Variants in NOS1AP observed in about 807,000 individuals in gnomAD.
The protein encoded by NOS1AP is carboxyl-terminal PDZ ligand of neuronal nitric oxide synthase protein.
Under a neutral mutation model 56.2 loss-of-function variants are expected in NOS1AP, and 21 were observed. The observed-to-expected ratio is 0.37, with a 90% CI of 0.26 to 0.54. NOS1AP has a LOEUF of 0.54. Among genes scored for constraint, NOS1AP ranks in the 20% least tolerant of loss-of-function variants. The pLI, the probability that NOS1AP is intolerant of heterozygous loss-of-function variation, is 0.84. For missense variants in NOS1AP, 522 were observed against 657.8 expected (o/e 0.79, Z 2.26); for synonymous variants, 270 against 274.6 (o/e 0.98, Z 0.17).
At chr1:162,197,909 G>A (rs1486748023) in intron 2 of NOS1AP, among the ~76,000 whole-genome samples, 13 of 152,250 alleles carry the variant, frequency 8.5e-5, no homozygotes, top group African/African-American at 3.1e-4. Context: ...TGCTGTTCAG[G>A]GCTCTGTGGG....
intron 2 of NOS1AP, among the ~76,000 whole-genome samples, chr1:162,214,277 A>G (rs1010202689): frequency 4.2e-4 from 64 of 151,534 alleles, no homozygotes; most frequent in Non-Finnish European, 6.5e-4. Context: ...TCGTTCATTC[A>G]TTCATTCATT....
At chr1:162,301,271 T>C (rs1249023942) in intron 4 of NOS1AP, among the ~76,000 whole-genome samples, 1 of 151,972 alleles carries the variant, frequency 6.6e-6, no homozygotes, top group Non-Finnish European at 1.5e-5. Flanking sequence ...GTCATGAGGG[T>C]GGGGCCCTCA....
chr1:162,140,306 A>G lies in NOS1AP; in HGVS notation c.106-14099A>G, dbSNP rs145615883. On this transcript the variant is annotated intron_variant, in intron 1 of 9. Coordinates refer to ENST00000361897, the MANE Select transcript of NOS1AP (RefSeq NM_014697.3). ...CTAGGACAGAGTGTGGTCAATCTCT[A>G]TATATATTATTAGAATCAAGGGCAC... Among the ~76,000 whole-genome samples, 294 of 152,218 alleles carry G rather than the reference A, an allele frequency of 1.9e-3. 1 individual carries two copies. The highest frequency in any genetic ancestry group is 3.4e-3 in the Non-Finnish European group (232 of 68,014).
chr1:162,210,625 G>A (rs1652321028), intron 2 of NOS1AP, among the ~76,000 whole-genome samples: 1 of 152,088 alleles, frequency 6.6e-6, no homozygotes. Context: ...AATTGACTGG[G>A]CATATTGGTG....
chr1:162,108,352 G>A (rs1296788395), intron 1 of NOS1AP, among the ~76,000 whole-genome samples: 1 of 152,052 alleles, frequency 6.6e-6, no homozygotes, highest in African/African-American at 2.4e-5. Context: ...ATACAGCACT[G>A]GATTGAAACA....
chr1:162,086,980 T>C (rs1281707628), intron 1 of NOS1AP, among the ~76,000 whole-genome samples: 2 of 152,226 alleles, frequency 1.3e-5, no homozygotes, highest in East Asian at 1.9e-4. Context: ...ACTGTACCTG[T>C]GTGCTTCCTT....
chr1:162,148,494 A>G (rs889654248), intron 1 of NOS1AP, among the ~76,000 whole-genome samples: 2 of 152,218 alleles, frequency 1.3e-5, no homozygotes, highest in Non-Finnish European at 2.9e-5. Flanking sequence ...AGATTAGGGG[A>G]CGAGTGGGTA....
At chr1:162,330,408 G>T (rs999894526) in intron 4 of NOS1AP, among the ~76,000 whole-genome samples, 1 of 152,184 alleles carries the variant, frequency 6.6e-6, no homozygotes, top group Non-Finnish European at 1.5e-5. Flanking sequence ...CTGTGGCAAC[G>T]TTGAGCCCCA....
chr1:162,298,296 T>C (rs1655536298), intron 3 of NOS1AP, among the ~76,000 whole-genome samples: 1 of 152,210 alleles, frequency 6.6e-6, no homozygotes, highest in Non-Finnish European at 1.5e-5. Flanking sequence ...TGCTCCCGTT[T>C]CCCATGTGGT....
intron 5 of NOS1AP, among the ~76,000 whole-genome samples, chr1:162,333,578 T>A (rs1656844188): frequency 6.6e-6 from 1 of 152,194 alleles, no homozygotes; most frequent in Non-Finnish European, 1.5e-5. Flanking sequence ...CTCAAGTAAA[T>A]GCAACTTTGA....
chr1:162,078,577 A>G (rs939813239), intron 1 of NOS1AP, among the ~76,000 whole-genome samples: 1 of 151,506 alleles, frequency 6.6e-6, no homozygotes, highest in Admixed American at 6.6e-5. Flanking sequence ...GCCATCAATA[A>G]CCTTCTGAAG....
chr1:162,179,916 G>A (rs1651192013), intron 2 of NOS1AP, among the ~76,000 whole-genome samples: 1 of 152,180 alleles, frequency 6.6e-6, no homozygotes, highest in Non-Finnish European at 1.5e-5. Flanking sequence ...GTGATGCAGA[G>A]GATGGATTGG....
At chr1:162,281,735 T>G (rs1052784893) in intron 2 of NOS1AP, among the ~76,000 whole-genome samples, 5 of 152,254 alleles carry the variant, frequency 3.3e-5, no homozygotes, top group African/African-American at 1.2e-4. Context: ...GAGCAGAATT[T>G]AAGTGGACTT....
At position 162,355,182 on chromosome 1, in the gene NOS1AP, T is replaced by G. The variant is rs182480938; in HGVS notation, c.596-5T>G. 3.2e-5 allele frequency: 51 copies of G among 1,614,124 alleles called. No individual in the cohort carries two copies. In the East Asian group the frequency reaches 8.7e-4, roughly 28 times the overall value. ...TCTTCCCTCCCTCCCCTGTTGTTCC[T>G]GCAGGCCGCCAGCTCACTGGAGCCG... On this transcript the variant is annotated splice_region_variant and splice_polypyrimidine_tract_variant and intron_variant, in intron 6 of 9. Transcript: ENST00000361897.
Position 162,187,368 on chromosome 1 carries a change from GTA to G in NOS1AP, c.177+32895_177+32896del, listed in dbSNP as rs1467706077. ...TTACAACATTGTTTTTAATGGCTGA[GTA>G]TAGTTACATTCTATTAATACATATA... On this transcript the variant is annotated intron_variant, in intron 2 of 9. Coordinates refer to ENST00000361897, the MANE Select transcript of NOS1AP (RefSeq NM_014697.3). Among the ~76,000 whole-genome samples the G allele has an allele frequency of 3.3e-5, 5 of 152,218 alleles. No homozygotes were observed. The East Asian group carries it at 9.6e-4, about 29-fold the overall frequency.
chr1:162,303,762 A>C (rs989862727), intron 4 of NOS1AP, among the ~76,000 whole-genome samples: 1 of 152,100 alleles, frequency 6.6e-6, no homozygotes, highest in Admixed American at 6.5e-5. Flanking sequence ...CTTACATGCC[A>C]TTTGTATATA....
chr1:162,106,183 G>A (rs1647501289), intron 1 of NOS1AP, among the ~76,000 whole-genome samples: 1 of 152,134 alleles, frequency 6.6e-6, no homozygotes, highest in Non-Finnish European at 1.5e-5. Context: ...GGTTTCCCAG[G>A]CAGGGCTGCA....
chr1:162,329,361 A>AAAAAAAAGAG (rs1557880275), intron 4 of NOS1AP, among the ~76,000 whole-genome samples: 1 of 148,700 alleles, frequency 6.7e-6, no homozygotes, highest in Non-Finnish European at 1.5e-5. Context: ...CCAAGAAAAA[A>AAAAAAAAGAG]AGAGAGAGAG....
rs1168905627 is a variant in NOS1AP at position 162,247,754 on chromosome 1, G to GC, written c.178-39589dup. On this transcript the variant is annotated intron_variant, in intron 2 of 9. Coordinates refer to ENST00000361897, the MANE Select transcript of NOS1AP (RefSeq NM_014697.3). ...CCAGAGAGCCTTTCCTACAGCTTCA[G>GC]CATCTTATTCCCTATTGAAATGTAA... 2.0e-5 allele frequency among the ~76,000 whole-genome samples: 3 copies of GC among 152,246 alleles called. No homozygotes were observed. The East Asian group carries it at 5.8e-4, about 29-fold the overall frequency.
Sources: allele counts gnomAD v4.1 joint callset (sites outside exome capture counted in the v4.1 genomes callset), GRCh38; gene constraint gnomAD v4.1.1; transcripts MANE v1.5; gene names NCBI Gene and HGNC (gene_info 2026-07-23, HGNC 2026-07-21).